TRAPPC9: variants seen among roughly 807,000 people sequenced by gnomAD.
TRAPPC9 encodes the protein IKK2 binding protein.
A neutral mutation model predicts 124.0 loss-of-function variants in TRAPPC9; 83 were observed. That is an observed-to-expected ratio of 0.67 (90% CI 0.56 to 0.80). The LOEUF (loss-of-function observed/expected upper bound fraction) is 0.80. TRAPPC9 is among the 30% of genes least tolerant of loss of function. The pLI is 0.00. For synonymous variants in TRAPPC9, 638 were observed against 617.5 expected (o/e 1.03, Z -0.49); for missense variants, 1,302 against 1,508.3 (o/e 0.86, Z 2.27).
chr8:139,866,938 G>C (rs1828582727), intron 21 of TRAPPC9, among the ~76,000 whole-genome samples: 1 of 152,152 alleles, frequency 6.6e-6, no homozygotes, highest in African/African-American at 2.4e-5. Flanking sequence ...AGGGTCAAGT[G>C]ATTCTCTTGC....
intron 21 of TRAPPC9, among the ~76,000 whole-genome samples, chr8:139,758,763 GAA>G (rs1388511367): frequency 1.3e-5 from 2 of 152,230 alleles, no homozygotes; most frequent in Non-Finnish European, 2.9e-5. Flanking sequence ...TAGTGGCAGA[GAA>G]AAGGCTGGAC....
chr8:140,373,138 A>T (rs2068331620), intron 7 of TRAPPC9, among the ~76,000 whole-genome samples: 1 of 152,244 alleles, frequency 6.6e-6, no homozygotes, highest in Non-Finnish European at 1.5e-5. Flanking sequence ...GTGGCAGAGG[A>T]TACAGCAGTG....
intron 21 of TRAPPC9, among the ~76,000 whole-genome samples, chr8:139,736,860 G>A (rs1022993332): frequency 8.5e-5 from 13 of 152,192 alleles, no homozygotes; most frequent in African/African-American, 2.7e-4. Context: ...GGGATCAGAG[G>A]AAATGGGCTC....
chr8:140,069,831 CCCT>C (rs1843059885), intron 17 of TRAPPC9, among the ~76,000 whole-genome samples: 1 of 152,216 alleles, frequency 6.6e-6, no homozygotes, highest in Admixed American at 6.5e-5. Flanking sequence ...AGTGCTGTAG[CCCT>C]TGGTCCAAAG....
chr8:139,792,752 G>T (rs1021086598), intron 21 of TRAPPC9, among the ~76,000 whole-genome samples: 1 of 152,252 alleles, frequency 6.6e-6, no homozygotes, highest in African/African-American at 2.4e-5. Context: ...TGGACCCACG[G>T]CCGGCGAGGG....
At chr8:140,092,433 G>C (rs1844634112) in intron 17 of TRAPPC9, among the ~76,000 whole-genome samples, 1 of 152,152 alleles carries the variant, frequency 6.6e-6, no homozygotes. Context: ...CTGACCTTAA[G>C]AGATTCACCT....
At chr8:140,354,319 C>T (rs2067675792) in intron 9 of TRAPPC9, among the ~76,000 whole-genome samples, 1 of 152,288 alleles carries the variant, frequency 6.6e-6, no homozygotes, top group East Asian at 1.9e-4. Flanking sequence ...TGTGCCCACA[C>T]ACATGGGAAG....
At chr8:140,232,523 T>C (rs2063625063) in intron 16 of TRAPPC9, among the ~76,000 whole-genome samples, 1 of 152,168 alleles carries the variant, frequency 6.6e-6, no homozygotes, top group South Asian at 2.1e-4. Flanking sequence ...CCTAAAGGTG[T>C]TCTCTTCACT....
intron 19 of TRAPPC9, among the ~76,000 whole-genome samples, chr8:139,937,648 G>A (rs1486701703): frequency 6.6e-6 from 1 of 152,142 alleles, no homozygotes; most frequent in African/African-American, 2.4e-5. Context: ...GAGAGGAAGG[G>A]AAGAGAATTA....
At chr8:139,899,876 C>T (rs1830911581) in intron 20 of TRAPPC9, among the ~76,000 whole-genome samples, 1 of 152,168 alleles carries the variant, frequency 6.6e-6, no homozygotes, top group African/African-American at 2.4e-5. Context: ...AAAGCAGAGA[C>T]AGACCTGTAC....
intron 19 of TRAPPC9, among the ~76,000 whole-genome samples, chr8:139,929,795 C>T (rs1266511529): frequency 1.3e-5 from 2 of 152,220 alleles, no homozygotes; most frequent in Non-Finnish European, 2.9e-5. Context: ...GCAGCGCTGG[C>T]CAGGTGTTCA....
At chr8:140,150,769 G>A (rs563901148) in intron 17 of TRAPPC9, among the ~76,000 whole-genome samples, 1 of 152,306 alleles carries the variant, frequency 6.6e-6, no homozygotes, top group East Asian at 1.9e-4. Context: ...AGGGTCCGGG[G>A]ACCCAGAGGC....
At chr8:140,204,899 T>G (rs1335024902) in intron 17 of TRAPPC9, among the ~76,000 whole-genome samples, 1 of 152,252 alleles carries the variant, frequency 6.6e-6, no homozygotes, top group Non-Finnish European at 1.5e-5. Context: ...TGGATTTTAT[T>G]GAGAGGAAAT....
At chr8:139,948,153 T>A (rs1004670371) in intron 19 of TRAPPC9, among the ~76,000 whole-genome samples, 1 of 151,584 alleles carries the variant, frequency 6.6e-6, no homozygotes, top group African/African-American at 2.4e-5. Flanking sequence ...ATCCGGGAAC[T>A]ACGTTGTACC....
intron 17 of TRAPPC9, among the ~76,000 whole-genome samples, chr8:140,121,554 G>A (rs1258748486): frequency 6.6e-6 from 1 of 152,204 alleles, no homozygotes; most frequent in Non-Finnish European, 1.5e-5. Flanking sequence ...CCAGGCAGCA[G>A]CAGCAACAGA....
At chr8:140,268,295 T>C (rs1467799705) in intron 15 of TRAPPC9, among the ~76,000 whole-genome samples, 1 of 152,138 alleles carries the variant, frequency 6.6e-6, no homozygotes, top group East Asian at 1.9e-4. Context: ...CACCAGAGGC[T>C]TCTGCTCATA....
chr8:140,095,723 G>A (rs762495111), intron 17 of TRAPPC9: 3 of 152,258 alleles, frequency 2.0e-5, no homozygotes, highest in Non-Finnish European at 4.4e-5. Flanking sequence ...ACTGAGAAGA[G>A]GGTCTTGGGA....
intron 21 of TRAPPC9, among the ~76,000 whole-genome samples, chr8:139,736,159 C>T (rs990219463): frequency 3.3e-5 from 5 of 152,202 alleles, no homozygotes; most frequent in African/African-American, 1.2e-4. Flanking sequence ...CTGCCACAGG[C>T]TCTCCTGTGT....
intron 17 of TRAPPC9, among the ~76,000 whole-genome samples, chr8:140,184,456 G>A (rs1221870253): frequency 1.3e-5 from 2 of 151,726 alleles, no homozygotes; most frequent in Non-Finnish European, 2.9e-5. Flanking sequence ...CTCTTTTTGA[G>A]ACAGAATCTC....
Sources: allele counts gnomAD v4.1 joint callset (sites outside exome capture counted in the v4.1 genomes callset), GRCh38; gene constraint gnomAD v4.1.1; transcripts MANE v1.5; gene names NCBI Gene and HGNC (gene_info 2026-07-23, HGNC 2026-07-21).